Variants in UBN2 observed in about 807,000 individuals in gnomAD.
The protein encoded by UBN2 is ubinuclein-2.
A neutral mutation model predicts 120.2 loss-of-function variants in UBN2; 35 were observed. That is an observed-to-expected ratio of 0.29 (90% CI 0.22 to 0.39). UBN2 has a LOEUF of 0.39. Among genes scored for constraint, UBN2 ranks in the 10% least tolerant of loss-of-function variants. The pLI, the probability that UBN2 is intolerant of heterozygous loss-of-function variation, is 1.00. For missense variants in UBN2, 1,693 were observed against 1,663.2 expected (o/e 1.02, Z -0.31); for synonymous variants, 661 against 648.7 (o/e 1.02, Z -0.29).
At position 139,298,875 on chromosome 7, in the gene UBN2, A is replaced by G. The variant is rs909224439; in HGVS notation, c.*1039A>G. The G allele has an allele frequency of 2.0e-5, 3 of 152,044 alleles. No homozygotes were observed. The highest frequency in any genetic ancestry group is 4.8e-5 in the African/African-American group (2 of 41,392). The allele number at this position is 152,044 out of a possible 1,614,324, so 9.4% of individuals were successfully genotyped here. ...GTATAAACAGGTAGAAGTGTACACT[A>G]TGTTTCTTCATTGGTCATTCAAATG... is the stretch of plus-strand genomic sequence containing the variant. On this transcript the variant is annotated 3_prime_UTR_variant, in exon 18 of 18. Coordinates refer to ENST00000473989, the MANE Select transcript of UBN2 (RefSeq NM_173569.4).
intron 5 of UBN2, among the ~76,000 whole-genome samples, chr7:139,260,154 A>G (rs148397420): frequency 1.3e-5 from 2 of 151,414 alleles, no homozygotes; most frequent in African/African-American, 2.4e-5. Context: ...GCTGGAGTGC[A>G]CTGGCACAAT....
chr7:139,237,832 C>T (rs770159934), intron 2 of UBN2, among the ~76,000 whole-genome samples: 1 of 151,988 alleles, frequency 6.6e-6, no homozygotes, highest in Non-Finnish European at 1.5e-5. Flanking sequence ...AACCTTCCTG[C>T]CTCCTAAGAG....
At chr7:139,320,219 T>C in the UBN2 span, among the ~76,000 whole-genome samples, 3 of 152,240 alleles carry the variant, frequency 2.0e-5, no homozygotes, top group African/African-American at 7.2e-5. Context: ...CCCAGCACTT[T>C]GTGAGACCAA....
At chr7:139,313,247 A>G in the UBN2 span, among the ~76,000 whole-genome samples, 336 of 152,310 alleles carry the variant, frequency 2.2e-3, 2 homozygotes, top group Non-Finnish European at 4.0e-3. Flanking sequence ...TAAGAAGAAT[A>G]ATAGAATCTT....
chr7:139,330,084 C>A, the UBN2 span, among the ~76,000 whole-genome samples: 1 of 152,100 alleles, frequency 6.6e-6, no homozygotes, highest in African/African-American at 2.4e-5. Flanking sequence ...AAGAAAATCC[C>A]CAGAAAAGAG....
chr7:139,243,827 C>T (rs1756226473), intron 2 of UBN2, among the ~76,000 whole-genome samples: 1 of 152,158 alleles, frequency 6.6e-6, no homozygotes, highest in African/African-American at 2.4e-5. Context: ...GCCTTTGGAA[C>T]TCTGGTTGTT....
intron 2 of UBN2, among the ~76,000 whole-genome samples, chr7:139,239,814 C>A (rs1288823716): frequency 1.3e-5 from 2 of 152,108 alleles, no homozygotes; most frequent in Admixed American, 6.5e-5. Flanking sequence ...CCTTGGCCTC[C>A]CAAAATGTTG....
In UBN2 at chr7:139,261,741, A is replaced by G. The variant is rs1406684121; in HGVS notation, c.1395A>G (p.Val465=). Residue 465 remains valine (V), a splice_region_variant and synonymous_variant, in exon 6 of 18, where the codon GTA becomes GTG. Coordinates refer to ENST00000473989, the MANE Select transcript of UBN2 (RefSeq NM_173569.4). The part of the protein sequence containing the change: ...LLEKRIEDLR[V]AAKLFDEEGR... Reference sequence around the variant, plus strand: ...AAAAACGTATCGAAGACCTTCGTGTAGTAAGTGTAATAATTCTCTTGCTTT... The same window carrying G: ...AAAAACGTATCGAAGACCTTCGTGTGGTAAGTGTAATAATTCTCTTGCTTT... The G allele has an allele frequency of 6.2e-7, 1 of 1,607,360 alleles. No individual in the cohort carries two copies. Among genetic ancestry groups the G allele is most frequent in the Non-Finnish European group, 8.5e-7 (1 of 1,175,022 alleles).
intron 1 of UBN2, among the ~76,000 whole-genome samples, chr7:139,232,591 G>C (rs1356831634): frequency 2.0e-5 from 3 of 152,174 alleles, no homozygotes; most frequent in Admixed American, 6.5e-5. Flanking sequence ...TTTTTCTCTC[G>C]TGTTGGTATT....
rs1167861449 is a variant in UBN2, at chr7:139,261,412, A to G, written c.1066A>G (p.Asn356Asp). Residue 356 changes from asparagine (N) to aspartate (D), a missense_variant, in exon 6 of 18, where the codon AAT (asparagine) becomes GAT (aspartate). Physicochemically the swap from Asn to Asp is conservative, Grantham distance 23. Coordinates refer to ENST00000473989, the MANE Select transcript of UBN2 (RefSeq NM_173569.4). ...VPVTLSTPSL[N>D]KPPCAAAALG... ...AGTGACCTTGTCAACCCCTTCTCTGAATAAACCCCCATGTGCTGCTGCAGC... is the reference window on the plus strand; with the variant it reads ...AGTGACCTTGTCAACCCCTTCTCTGGATAAACCCCCATGTGCTGCTGCAGC... The G allele has an allele frequency of 6.2e-6, 10 of 1,614,098 alleles. No homozygotes were observed. Among genetic ancestry groups the G allele is most frequent in the African/African-American group, 1.3e-5 (1 of 74,932 alleles).
intron 17 of UBN2, 62 bp downstream of exon 17, chr7:139,294,043 C>A: frequency 1.3e-6 from 2 of 1,525,948 alleles, no homozygotes; most frequent in Non-Finnish European, 1.8e-6. Flanking sequence ...ATGGATTATA[C>A]TTTTCTGAAA....
downstream of UBN2, among the ~76,000 whole-genome samples, chr7:139,308,547 C>G (rs1585040658): frequency 6.6e-6 from 1 of 152,118 alleles, no homozygotes; most frequent in East Asian, 1.9e-4. Flanking sequence ...GTGGATGGCA[C>G]TTGAGGTGGG....
Position 139,299,415 on chromosome 7 carries a change from T to A in UBN2, c.*1579T>A, listed in dbSNP as rs1047601228. ...ATTAACCAGGCCCTTTTTTCTTTTA[T>A]ACACAAAAGTCCCAGATACCCTACA... On this transcript the variant is annotated 3_prime_UTR_variant, in exon 18 of 18. Transcript: ENST00000473989. The A allele has an allele frequency of 6.6e-6, 1 of 152,178 alleles. No homozygotes were observed. Among genetic ancestry groups the A allele is most frequent in the African/African-American group, 2.4e-5 (1 of 41,454 alleles). The allele number at this position is 152,178 out of a possible 1,614,324, so 9.4% of individuals were successfully genotyped here.
rs1157376771 is a variant in UBN2, at chr7:139,259,255, A to G, written c.802-12A>G. ...TACTTACATAAATGATCATTCTTTTATCATTTTGCAGGTCCCCAAAATAAA... is the reference window on the plus strand; with the variant it reads ...TACTTACATAAATGATCATTCTTTTGTCATTTTGCAGGTCCCCAAAATAAA... On this transcript the variant is annotated splice_polypyrimidine_tract_variant and intron_variant, in intron 4 of 17. Transcript: ENST00000473989. 3 of 1,610,680 alleles carry G rather than the reference A, an allele frequency of 1.9e-6. No homozygotes were observed. Among genetic ancestry groups the G allele is most frequent in the African/African-American group, 1.3e-5 (1 of 74,472 alleles).
chr7:139,318,856 C>A, the UBN2 span, among the ~76,000 whole-genome samples: 40,810 of 151,846 alleles, frequency 0.27, 6,270 homozygotes, highest in African/African-American at 0.39. Flanking sequence ...AATTCATGCG[C>A]GTGGTAAGGG....
rs1029607820 is a variant in UBN2 at position 139,304,442 on chromosome 7, G to A, written c.*6606G>A. The stretch of plus-strand genomic sequence containing the variant: ...TAGTACTACTACATAGAATTTTCCC[G>A]TTATCGTTTAAAATAATAGCAACAG... On this transcript the variant is annotated 3_prime_UTR_variant, in exon 18 of 18. Transcript: ENST00000473989. The A allele has an allele frequency of 4.6e-5, 7 of 152,048 alleles. No individual in the cohort carries two copies. Among genetic ancestry groups the A allele is most frequent in the Admixed American group, 3.9e-4 (6 of 15,250 alleles). The allele number at this position is 152,048 out of a possible 1,614,324, so 9.4% of individuals were successfully genotyped here.
At chr7:139,258,296 C>T (rs1796823208) in intron 3 of UBN2, among the ~76,000 whole-genome samples, 192 bp from the exon 4 acceptor site, 1 of 151,974 alleles carries the variant, frequency 6.6e-6, no homozygotes, top group Non-Finnish European at 1.5e-5. Flanking sequence ...TTTTTTCTTA[C>T]ACCAAATTAT....
At chr7:139,293,745 TA>T (rs1798030853) in intron 16 of UBN2, 143 bp from the exon 17 acceptor site, 1 of 730,154 alleles carries the variant, frequency 1.4e-6, no homozygotes. Flanking sequence ...TTAACATAAG[TA>T]AATTTTCAAA....
At chr7:139,291,323 T>C (rs1253364167) in intron 15 of UBN2, among the ~76,000 whole-genome samples, 2 of 121,114 alleles carry the variant, frequency 1.7e-5, no homozygotes, top group Non-Finnish European at 3.1e-5. Context: ...ATCGCAGCAC[T>C]ACACTGCAGC....
Sources: allele counts gnomAD v4.1 joint callset (sites outside exome capture counted in the v4.1 genomes callset), GRCh38; gene constraint gnomAD v4.1.1; transcripts MANE v1.5; gene names NCBI Gene and HGNC (gene_info 2026-07-23, HGNC 2026-07-21).